Variants in GRID2 observed in about 807,000 individuals in gnomAD.
GRID2 encodes glutamate ionotropic receptor delta type subunit 2.
In GRID2, 33 loss-of-function variants were observed where a neutral mutation model predicts 114.8. The observed-to-expected ratio is 0.29, with a 90% CI of 0.22 to 0.38. The LOEUF (loss-of-function observed/expected upper bound fraction) is 0.38. GRID2 is among the 10% of genes least tolerant of loss of function. The pLI, the probability that GRID2 is intolerant of heterozygous loss-of-function variation, is 1.00. For synonymous variants in GRID2, 505 were observed against 449.9 expected, an observed-to-expected ratio of 1.12 and a Z score of -1.55; for missense variants, 1,184 against 1,257.7, an observed-to-expected ratio of 0.94 and a Z score of 0.89.
intron 2 of GRID2, among the ~76,000 whole-genome samples, chr4:92,748,510 G>A (rs1160087858): frequency 6.6e-6 from 1 of 151,916 alleles, no homozygotes; most frequent in South Asian, 2.1e-4. Flanking sequence ...GAGCATTCTA[G>A]CCCTCATACT....
intron 2 of GRID2, among the ~76,000 whole-genome samples, chr4:92,852,986 C>A (rs1311184493): frequency 6.6e-6 from 1 of 151,910 alleles, no homozygotes; most frequent in Non-Finnish European, 1.5e-5. Context: ...TTTTAATATG[C>A]CAGTGTTTGC....
At chr4:93,018,275 G>A (rs1299676838) in intron 2 of GRID2, among the ~76,000 whole-genome samples, 2 of 148,290 alleles carry the variant, frequency 1.3e-5, no homozygotes, top group African/African-American at 4.9e-5. Context: ...GGACTAATCA[G>A]TTAGCTGGCC....
chr4:93,708,145 G>T (rs1185327328), intron 14 of GRID2, among the ~76,000 whole-genome samples: 1 of 151,978 alleles, frequency 6.6e-6, no homozygotes, highest in Non-Finnish European at 1.5e-5. Flanking sequence ...CTGAAGAGAA[G>T]AATGTATATT....
chr4:93,181,068 A>T (rs1010540120), intron 4 of GRID2, among the ~76,000 whole-genome samples: 3 of 152,186 alleles, frequency 2.0e-5, no homozygotes, highest in African/African-American at 7.2e-5. Context: ...TCACCTATTT[A>T]TGGCAGCTAT....
intron 2 of GRID2, among the ~76,000 whole-genome samples, chr4:93,060,969 G>A (rs1220348240): frequency 2.0e-5 from 3 of 151,958 alleles, no homozygotes; most frequent in African/African-American, 7.3e-5. Context: ...CAGACGTGGT[G>A]GCATGTGCCT....
At chr4:92,698,432 G>A (rs1734522250) in intron 2 of GRID2, among the ~76,000 whole-genome samples, 1 of 151,772 alleles carries the variant, frequency 6.6e-6, no homozygotes, top group South Asian at 2.1e-4. Flanking sequence ...TCACTGACAT[G>A]TCACTATTAA....
At chr4:92,446,574 A>G (rs1733481657) in intron 1 of GRID2, among the ~76,000 whole-genome samples, 1 of 152,214 alleles carries the variant, frequency 6.6e-6, no homozygotes, top group Admixed American at 6.5e-5. Context: ...GGGAGATTCA[A>G]TCTGAATCCA....
intron 2 of GRID2, among the ~76,000 whole-genome samples, chr4:92,982,795 G>C (rs1754297157): frequency 2.0e-5 from 3 of 152,040 alleles, no homozygotes; most frequent in Admixed American, 6.6e-5. Flanking sequence ...GTTAAGCAGA[G>C]CCATGTATTA....
intron 2 of GRID2, among the ~76,000 whole-genome samples, chr4:92,959,615 T>C (rs1752653564): frequency 6.6e-6 from 1 of 152,010 alleles, no homozygotes; most frequent in African/African-American, 2.4e-5. Context: ...CAAATGCCCA[T>C]CAATTATAGA....
intron 8 of GRID2, among the ~76,000 whole-genome samples, chr4:93,264,736 A>T (rs1453190488): frequency 8.4e-6 from 1 of 119,552 alleles, no homozygotes; most frequent in East Asian, 2.3e-4. Context: ...CATTTGAATT[A>T]TATATATATA....
At chr4:93,528,868 T>C (rs1384750215) in intron 13 of GRID2, among the ~76,000 whole-genome samples, 1 of 152,182 alleles carries the variant, frequency 6.6e-6, no homozygotes, top group Non-Finnish European at 1.5e-5. Context: ...GCCATTGCGA[T>C]TCCTAGAACT....
intron 13 of GRID2, among the ~76,000 whole-genome samples, chr4:93,570,144 T>G (rs1484331610): frequency 6.6e-6 from 1 of 152,184 alleles, no homozygotes; most frequent in African/African-American, 2.4e-5. Flanking sequence ...ATTTAAGAGA[T>G]GACAAAAATA....
intron 11 of GRID2, among the ~76,000 whole-genome samples, chr4:93,474,253 C>A (rs1725107410): frequency 6.6e-6 from 1 of 152,076 alleles, no homozygotes. Flanking sequence ...CAGCCTGCCT[C>A]CTAGAACAAC....
intron 4 of GRID2, among the ~76,000 whole-genome samples, chr4:93,198,696 AT>A (rs35605070): frequency 6.6e-6 from 1 of 152,254 alleles, no homozygotes; most frequent in East Asian, 1.9e-4. Flanking sequence ...TTTGTTCACA[AT>A]TTGAGTTATG....
chr4:93,727,059 G>A (rs781224469), intron 14 of GRID2, among the ~76,000 whole-genome samples: 7 of 152,178 alleles, frequency 4.6e-5, no homozygotes, highest in Non-Finnish European at 8.8e-5. Flanking sequence ...TCCCTGACTT[G>A]TGCCAGTTTT....
chr4:92,605,130 A>G (rs889522191), intron 2 of GRID2, among the ~76,000 whole-genome samples: 3 of 152,072 alleles, frequency 2.0e-5, no homozygotes, highest in African/African-American at 2.4e-5. Context: ...CTGTGAGTCT[A>G]TTAAATCTCT....
At chr4:93,712,412 G>A (rs1184518585) in intron 14 of GRID2, among the ~76,000 whole-genome samples, 1 of 152,096 alleles carries the variant, frequency 6.6e-6, no homozygotes, top group East Asian at 1.9e-4. Context: ...CTGCTTAAAT[G>A]TAATTTGCAG....
rs185614138 is a variant in GRID2 at position 92,808,292 on chromosome 4, G to A, written c.244+218006G>A. Among the ~76,000 whole-genome samples, 54 of 152,030 alleles carry A rather than the reference G, an allele frequency of 3.6e-4. No individual in the cohort carries two copies. In the East Asian group the frequency reaches 9.3e-3, roughly 26 times the overall value. On this transcript the variant is annotated intron_variant, in intron 2 of 15. Coordinates refer to ENST00000282020, the MANE Select transcript of GRID2 (RefSeq NM_001510.4). Reference sequence around the variant, plus strand: ...TCTATAATTATAAGATAATGTATTCGTGTTGAGGTAAGCCACTAAGCTTCT... The same window carrying A: ...TCTATAATTATAAGATAATGTATTCATGTTGAGGTAAGCCACTAAGCTTCT...
Position 93,179,276 on chromosome 4 carries a change from G to A in GRID2, c.736-28128G>A, listed in dbSNP as rs180675107. 2.5e-3 allele frequency among the ~76,000 whole-genome samples: 384 copies of A among 152,276 alleles called. 5 individuals carry two copies. The highest frequency in any genetic ancestry group is 3.5e-3 in the South Asian group (17 of 4,824). On this transcript the variant is annotated intron_variant, in intron 4 of 15. Coordinates refer to ENST00000282020, the MANE Select transcript of GRID2 (RefSeq NM_001510.4). ...AATTGCAGCCAGGGTAGATGGGAGT[G>A]AAAGCTAGTATATCTTCTTGTCTTC... is the stretch of plus-strand genomic sequence containing the variant.
Sources: gnomAD v4.1 joint callset for allele counts (sites outside exome capture counted in the v4.1 genomes callset) on GRCh38, gnomAD v4.1.1 for gene constraint, MANE v1.5 for transcripts, NCBI Gene and HGNC (gene_info 2026-07-23, HGNC 2026-07-21) for gene names.